The following DNMT3A variants were observed in gnomAD, a reference collection of about 807,000 sequenced individuals.
DNMT3A encodes DNA methyltransferase 3 alpha.
DNMT3A carries 267 observed loss-of-function variants against 117.6 expected under a neutral mutation model. The observed-to-expected ratio is 2.27, with a 90% confidence interval of 2.05 to 2.51. The LOEUF (loss-of-function observed/expected upper bound fraction) is 2.51. Ranked by LOEUF, DNMT3A falls within the 30% of genes most tolerant of loss-of-function variation. The pLI, the probability that DNMT3A is intolerant of heterozygous loss-of-function variation, is 0.00. For missense variants in DNMT3A, 1,029 were observed against 1,260.2 expected (o/e 0.82, Z 2.78); for synonymous variants, 432 against 474.8 (o/e 0.91, Z 1.17).
chr2:25,268,938 C>T lies in DNMT3A; in HGVS notation c.639+6003G>A, dbSNP rs373504664. Among the ~76,000 whole-genome samples the T allele has an allele frequency of 1.3e-3, 200 of 152,366 alleles. 3 individuals are homozygous for T. The South Asian group carries it at 0.021, about 16-fold the overall frequency. ...CTGGGCCTGTTCTCCCTGCCCATTG[C>T]ATTAGGCCAGACAGAGGAAGATGTG... is the stretch of plus-strand genomic sequence containing the variant. On this transcript the variant is annotated intron_variant, in intron 6 of 22. Coordinates refer to ENST00000321117, the MANE Select transcript of DNMT3A (RefSeq NM_022552.5).
Position 25,282,164 on chromosome 2 carries a change from T to C in DNMT3A, c.448+277A>G. 3 of 1,215,246 alleles carry C rather than the reference T, an allele frequency of 2.5e-6. No individual in the cohort carries two copies. Among genetic ancestry groups the C allele is most frequent in the Non-Finnish European group, 3.2e-6 (3 of 947,946 alleles). 75.3% of individuals were successfully genotyped at this position (1,215,246 alleles called of 1,614,324 possible). On this transcript the variant is annotated intron_variant, in intron 4 of 22. Coordinates refer to ENST00000321117, the MANE Select transcript of DNMT3A (RefSeq NM_022552.5). The surrounding 1 kb of genome is among the most constrained non-coding windows in gnomAD (Gnocchi z 5.2). The stretch of plus-strand genomic sequence containing the variant: ...TGTTGCCAGATCTAGCTTTTTTTTT[T>C]TTCATGAGAAGCCAAAACTCCAGAT...
At chr2:25,341,787 G>C (rs1361129852) in intron 1 of DNMT3A, 39 bp downstream of exon 1, 2 of 968,336 alleles carry the variant, frequency 2.1e-6, no homozygotes, top group Non-Finnish European at 2.4e-6. Context: ...CGCCGCCTCC[G>C]GGCCGGCCTT....
intron 1 of DNMT3A, among the ~76,000 whole-genome samples, chr2:25,341,478 C>G (rs1458291752): frequency 6.9e-6 from 1 of 144,804 alleles, no homozygotes; most frequent in Non-Finnish European, 1.5e-5. Context: ...CGGCGCAGGC[C>G]GGCGGTGGAG....
At position 25,234,476 on chromosome 2, in the gene DNMT3A, G is replaced by A. The variant is rs1376210810; in HGVS notation, c.2598-56C>T. On this transcript the variant is annotated intron_variant, in intron 22 of 22. Coordinates refer to ENST00000321117, the MANE Select transcript of DNMT3A (RefSeq NM_022552.5). This position sits in a 1 kb window ranked among gnomAD's most constrained non-coding sequence, Gnocchi z 4.5. ...GAGTGCTGGCCAGACCAGGCTGCCC[G>A]GAAGCCGTCTAACCACACAGCAGGA... 7.7e-6 allele frequency: 12 copies of A among 1,562,432 alleles called. No individual in the cohort carries two copies. Among genetic ancestry groups the A allele is most frequent in the South Asian group, 2.4e-5 (2 of 83,598 alleles).
intron 6 of DNMT3A, chr2:25,249,650 C>T (rs1162827777): frequency 6.2e-7 from 1 of 1,614,108 alleles, no homozygotes; most frequent in African/African-American, 1.3e-5. Context: ...AGCCTCCATC[C>T]TTTCACCGTA....
intron 19 of DNMT3A, among the ~76,000 whole-genome samples, chr2:25,239,838 G>T (rs1221566946): frequency 6.6e-6 from 1 of 152,216 alleles, no homozygotes; most frequent in Non-Finnish European, 1.5e-5. Flanking sequence ...CTCAGACTTG[G>T]CTCAGGGTTA....
rs187265346 is a variant in DNMT3A, at chr2:25,308,960, C to T, written c.72+4953G>A. Among the ~76,000 whole-genome samples the T allele has an allele frequency of 7.4e-4, 106 of 142,514 alleles. 2 individuals carry two copies. In the East Asian group the frequency reaches 0.021, roughly 29 times the overall value. The allele number at this position is 142,514 out of a possible 152,430, so 93.5% of individuals were successfully genotyped here. On this transcript the variant is annotated intron_variant, in intron 2 of 22. Transcript: ENST00000321117. ...GGAACCGCAGCCCCAATGCTGCCCA[C>T]AGATGCATACACACACACACACACA...
Position 25,282,634 on chromosome 2 carries a change from T to C in DNMT3A, c.255A>G (p.Ser85=), listed in dbSNP as rs775958781. The C allele has an allele frequency of 2.5e-6, 4 of 1,612,912 alleles. No individual in the cohort carries two copies. The highest frequency in any genetic ancestry group is 3.4e-6 in the Non-Finnish European group (4 of 1,179,462). The change falls in exon 4 of 23, where the codon TCA becomes TCG. Residue 85 remains serine (S), a synonymous_variant. Coordinates refer to ENST00000321117, the MANE Select transcript of DNMT3A (RefSeq NM_022552.5). This position sits in a 1 kb window ranked among gnomAD's most constrained non-coding sequence, Gnocchi z 5.2. ...CCAAGTCCCCATTGGGTAATAGCTCTGAGGCGCCTGAGTCCTGGGCCATGG... is the reference window on the plus strand; with the variant it reads ...CCAAGTCCCCATTGGGTAATAGCTCCGAGGCGCCTGAGTCCTGGGCCATGG... ...SPSMAQDSGA[S]ELLPNGDLEK... is the part of the protein sequence containing the mutation.
At position 25,252,996 on chromosome 2, in the gene DNMT3A, G is replaced by C. The variant is rs540251502; in HGVS notation, c.640-4744C>G. ...AGGCTTCGAGTCCCAGGGCCCCTGCGTCACTCTGGGCCTTCCCTGGATTTC... is the reference window on the plus strand; with the variant it reads ...AGGCTTCGAGTCCCAGGGCCCCTGCCTCACTCTGGGCCTTCCCTGGATTTC... On this transcript the variant is annotated intron_variant, in intron 6 of 22. Transcript: ENST00000321117. This position sits in a 1 kb window ranked among gnomAD's most constrained non-coding sequence, Gnocchi z 5.5. 6.6e-6 allele frequency among the ~76,000 whole-genome samples: 1 copy of C among 152,178 alleles called. No homozygotes were observed. Among genetic ancestry groups the C allele is most frequent in the Non-Finnish European group, 1.5e-5 (1 of 68,034 alleles).
intron 1 of DNMT3A, among the ~76,000 whole-genome samples, chr2:25,336,722 G>C (rs961991780): frequency 2.6e-5 from 4 of 151,952 alleles, no homozygotes; most frequent in South Asian, 2.1e-4. Flanking sequence ...CCGGAGTGCA[G>C]GGATCTCCTC....
At chr2:25,321,554 G>T (rs934593160) in intron 1 of DNMT3A, among the ~76,000 whole-genome samples, 1 of 152,226 alleles carries the variant, frequency 6.6e-6, no homozygotes, top group Non-Finnish European at 1.5e-5. Flanking sequence ...AGGTCCAGGG[G>T]ATTAGGACCT....
rs1052780353 is a variant in DNMT3A, at chr2:25,306,442, C to T, written c.73-6199G>A. ...TAATTACCGAGGAAAGCCTTCCATC[C>T]TCCTGAAAGGCCACTCTCCTGGAGG... is the stretch of plus-strand genomic sequence containing the variant. On this transcript the variant is annotated intron_variant, in intron 2 of 22. Coordinates refer to ENST00000321117, the MANE Select transcript of DNMT3A (RefSeq NM_022552.5). This position sits in a 1 kb window ranked among gnomAD's most constrained non-coding sequence, Gnocchi z 4.1. Among the ~76,000 whole-genome samples, 10 of 152,210 alleles carry T rather than the reference C, an allele frequency of 6.6e-5. No homozygotes were observed. Among genetic ancestry groups the T allele is most frequent in the African/African-American group, 2.4e-4 (10 of 41,450 alleles).
In DNMT3A at chr2:25,236,608, A is replaced by G. The variant is rs1188568738; in HGVS notation, c.2478+328T>C. On this transcript the variant is annotated intron_variant, in intron 21 of 22. Transcript: ENST00000321117. The surrounding 1 kb of genome is among the most constrained non-coding windows in gnomAD (Gnocchi z 4.5). ...GAGAGAAATGGAGCTTCCACATCACAGGAGGCTGCTTTGAGGGCTTTTGTA... is the reference window on the plus strand; with the variant it reads ...GAGAGAAATGGAGCTTCCACATCACGGGAGGCTGCTTTGAGGGCTTTTGTA... 6.6e-6 allele frequency among the ~76,000 whole-genome samples: 1 copy of G among 152,078 alleles called. No individual in the cohort carries two copies. The highest frequency in any genetic ancestry group is 1.5e-5 in the Non-Finnish European group (1 of 68,008).
chr2:25,316,833 CT>C (rs1379293323), intron 1 of DNMT3A, among the ~76,000 whole-genome samples: 3 of 152,090 alleles, frequency 2.0e-5, no homozygotes, highest in Admixed American at 2.0e-4. Context: ...TGAAAAGCAG[CT>C]TTTATTTCCT....
At chr2:25,283,318 C>T (rs148304214) in intron 3 of DNMT3A, among the ~76,000 whole-genome samples, 9 of 149,458 alleles carry the variant, frequency 6.0e-5, no homozygotes, top group East Asian at 2.0e-4. Context: ...GCCGAGATCA[C>T]GCCATTGCAC....
At chr2:25,258,155 C>T (rs1676319987) in intron 6 of DNMT3A, among the ~76,000 whole-genome samples, 1 of 152,208 alleles carries the variant, frequency 6.6e-6, no homozygotes, top group South Asian at 2.1e-4. Context: ...ATCTGGTTCT[C>T]AGAGTAGCCC....
intron 10 of DNMT3A, 131 bp downstream of exon 10, chr2:25,246,489 G>A: frequency 6.9e-7 from 1 of 1,455,068 alleles, no homozygotes; most frequent in East Asian, 2.3e-5. Context: ...CAGGGCAAGA[G>A]AGACCCCGGC....
At chr2:25,251,310 T>A (rs986513764) in intron 6 of DNMT3A, among the ~76,000 whole-genome samples, 1 of 148,476 alleles carries the variant, frequency 6.7e-6, no homozygotes, top group Non-Finnish European at 1.5e-5. Flanking sequence ...AGGCAAACAA[T>A]AAGAGAAACA....
intron 1 of DNMT3A, among the ~76,000 whole-genome samples, chr2:25,326,295 T>C (rs1375276006): frequency 6.6e-6 from 1 of 152,192 alleles, no homozygotes; most frequent in Non-Finnish European, 1.5e-5. Context: ...TGAGAAGTTA[T>C]TGTAGCCAGG....
Sources: gnomAD v4.1 joint callset for allele counts (sites outside exome capture counted in the v4.1 genomes callset) on GRCh38, gnomAD v4.1.1 for gene constraint, Gnocchi (gnomAD v3.1) non-coding constraint, MANE v1.5 for transcripts, NCBI Gene and HGNC (gene_info 2026-07-23, HGNC 2026-07-21) for gene names.